The following DRC9 variants were observed in gnomAD, a reference collection of about 807,000 sequenced individuals.
The protein encoded by DRC9 is dynein regulatory complex protein 9.
the DRC9 span, chr3:197,926,144 T>C: frequency 1.0e-4 from 115 of 1,152,500 alleles, no homozygotes; most frequent in Admixed American, 2.7e-4. Flanking sequence ...AGAGCAGTGC[T>C]TCTCAAAACT....
chr3:197,932,470 T>TA, the DRC9 span, among the ~76,000 whole-genome samples: 1 of 151,456 alleles, frequency 6.6e-6, no homozygotes, highest in African/African-American at 2.4e-5. Flanking sequence ...CCATCCCTAC[T>TA]AAAAATACAA....
At chr3:197,905,250 C>A in the DRC9 span, among the ~76,000 whole-genome samples, 13 of 152,056 alleles carry the variant, frequency 8.5e-5, no homozygotes, top group Non-Finnish European at 1.8e-4. Flanking sequence ...ATTTGTAGCA[C>A]AAAGGATAAA....
At chr3:197,938,793 T>A in the DRC9 span, 1 of 1,579,266 alleles carries the variant, frequency 6.3e-7, no homozygotes, top group Non-Finnish European at 8.7e-7. Flanking sequence ...TTTAAAACAA[T>A]AAACAATTAG....
the DRC9 span, among the ~76,000 whole-genome samples, chr3:197,947,927 CCTT>C: frequency 1.4e-5 from 2 of 143,880 alleles, no homozygotes; most frequent in Non-Finnish European, 1.5e-5. Context: ...TCCTGCTTTA[CCTT>C]TTTTTTTTTT....
chr3:197,932,801 A>C, the DRC9 span, among the ~76,000 whole-genome samples: 1 of 142,660 alleles, frequency 7.0e-6, no homozygotes, highest in Middle Eastern at 3.6e-3. Context: ...GTCTCAAAAA[A>C]TATATATATG....
the DRC9 span, chr3:197,892,541 G>C: frequency 6.7e-7 from 1 of 1,482,030 alleles, no homozygotes; most frequent in Admixed American, 1.9e-5. Context: ...TCCTCAGTGA[G>C]TGCCCTAATT....
At chr3:197,925,316 G>T in the DRC9 span, among the ~76,000 whole-genome samples, 1 of 115,558 alleles carries the variant, frequency 8.7e-6, no homozygotes, top group Non-Finnish European at 1.8e-5. Context: ...TATGAGGATG[G>T]GACGAGGTCA....
chr3:197,954,230 G>A, the DRC9 span: 2 of 1,467,126 alleles, frequency 1.4e-6, no homozygotes, highest in African/African-American at 1.4e-5. Context: ...GAGGACTTCT[G>A]TGGTTGTGAA....
the DRC9 span, chr3:197,953,502 T>C: frequency 6.6e-6 from 3 of 456,462 alleles, no homozygotes; most frequent in Non-Finnish European, 1.3e-5. Flanking sequence ...GATTAACCCC[T>C]TGGTGTCTTC....
the DRC9 span, among the ~76,000 whole-genome samples, chr3:197,924,321 T>C: frequency 6.6e-6 from 1 of 152,106 alleles, no homozygotes; most frequent in South Asian, 2.1e-4. Context: ...ATTGTGCCAT[T>C]GCACTCCAGC....
At chr3:197,938,143 C>T in the DRC9 span, among the ~76,000 whole-genome samples, 79 of 151,912 alleles carry the variant, frequency 5.2e-4, 1 homozygote, top group East Asian at 0.012. Context: ...TGGTGAAACC[C>T]GTTGTCTACT....
At chr3:197,929,541 G>C in the DRC9 span, among the ~76,000 whole-genome samples, 3 of 152,066 alleles carry the variant, frequency 2.0e-5, no homozygotes, top group Non-Finnish European at 4.4e-5. This position sits in a 1 kb window ranked among gnomAD's most constrained non-coding sequence, Gnocchi z 4.6. Context: ...GGAGGCCAAG[G>C]TGGAAGGATC....
chr3:197,918,666 C>G, the DRC9 span, among the ~76,000 whole-genome samples: 1 of 152,134 alleles, frequency 6.6e-6, no homozygotes, highest in African/African-American at 2.4e-5. Flanking sequence ...CTTTTGAAAA[C>G]TCAAGAGCAT....
the DRC9 span, chr3:197,943,798 C>T: frequency 6.2e-7 from 1 of 1,614,164 alleles, no homozygotes; most frequent in Non-Finnish European, 8.5e-7. Context: ...CTCTGTCTCC[C>T]TTCGTACTGA....
the DRC9 span, among the ~76,000 whole-genome samples, chr3:197,890,238 T>C: frequency 2.6e-5 from 4 of 151,320 alleles, no homozygotes; most frequent in South Asian, 6.3e-4. Context: ...TCTACAAAAA[T>C]ACAAAAAAGA....
At chr3:197,908,596 C>T in the DRC9 span, among the ~76,000 whole-genome samples, 428 of 147,054 alleles carry the variant, frequency 2.9e-3, no homozygotes, top group African/African-American at 0.01. Flanking sequence ...CAACCCTTTC[C>T]AAGGCACCCT....
chr3:197,896,679 T>C, the DRC9 span, among the ~76,000 whole-genome samples: 1 of 152,312 alleles, frequency 6.6e-6, no homozygotes, highest in Non-Finnish European at 1.5e-5. Flanking sequence ...GGTGAGTGCC[T>C]GCTTCCTAGA....
chr3:197,950,635 C>A, the DRC9 span: 1 of 447,460 alleles, frequency 2.2e-6, no homozygotes, highest in East Asian at 4.0e-5. Flanking sequence ...ATTTCTTTTC[C>A]TGAGTGTTGC....
At chr3:197,911,787 C>T in the DRC9 span, among the ~76,000 whole-genome samples, 1 of 149,686 alleles carries the variant, frequency 6.7e-6, no homozygotes, top group African/African-American at 2.5e-5. Flanking sequence ...TTACAGGCGC[C>T]CGCCACCATG....
Sources: gnomAD v4.1 joint callset for allele counts (sites outside exome capture counted in the v4.1 genomes callset) on GRCh38, gnomAD v4.1.1 for gene constraint, Gnocchi (gnomAD v3.1) non-coding constraint, MANE v1.5 for transcripts, NCBI Gene and HGNC (gene_info 2026-07-23, HGNC 2026-07-21) for gene names.